Variants in DAB1 observed in about 807,000 individuals in gnomAD.
The protein encoded by DAB1 is DAB adaptor protein 1, also known as disabled homolog 1.
Under a neutral mutation model 64.6 loss-of-function variants are expected in DAB1, and 15 were observed. The ratio of observed to expected loss-of-function variants is 0.23; its 90% CI spans 0.16 to 0.36. The LOEUF (loss-of-function observed/expected upper bound fraction) is 0.36, where lower values mean the gene tolerates loss of function less well. DAB1 is among the 10% of genes least tolerant of loss of function. The pLI, the probability that DAB1 is intolerant of heterozygous loss-of-function variation, is 1.00. For synonymous variants in DAB1, 235 were observed against 251.9 expected, an observed-to-expected ratio of 0.93 and a Z score of 0.64; for missense variants, 596 against 706.7, an observed-to-expected ratio of 0.84 and a Z score of 1.78.
In DAB1 at chr1:58,280,400, A is replaced by C. The variant is rs1292041924; in HGVS notation, n.309+62952T>G. Among the ~76,000 whole-genome samples, 5 of 152,294 alleles carry C rather than the reference A, an allele frequency of 3.3e-5. No homozygotes were observed. In the East Asian group the frequency reaches 5.8e-4, roughly 18 times the overall value. On this transcript the variant is annotated intron_variant and non_coding_transcript_variant, in intron 4 of 20. Transcript: ENST00000485760. Reference sequence around the variant, plus strand: ...TTGGCAATAAATAGACCTGCTTTCCAATTCTGGTTCAGCCACCCGAGACCT... The same window carrying C: ...TTGGCAATAAATAGACCTGCTTTCCCATTCTGGTTCAGCCACCCGAGACCT...
intron 5 of DAB1, among the ~76,000 whole-genome samples, chr1:57,931,817 T>A (rs1644956891): frequency 6.6e-6 from 1 of 152,130 alleles, no homozygotes; most frequent in African/African-American, 2.4e-5. Flanking sequence ...TGGTTGATTT[T>A]CTCTATTAAT....
intron 5 of DAB1, among the ~76,000 whole-genome samples, chr1:57,915,330 T>G (rs189518530): frequency 1.3e-5 from 2 of 152,300 alleles, no homozygotes; most frequent in East Asian, 3.9e-4. Flanking sequence ...TAGAAATATA[T>G]AGAGAGATAT....
chr1:57,475,808 GA>G (rs1643928535), intron 7 of DAB1, among the ~76,000 whole-genome samples: 1 of 152,224 alleles, frequency 6.6e-6, no homozygotes, highest in South Asian at 2.1e-4. Flanking sequence ...TTGAGTGGGG[GA>G]ACTGTGTCTT....
In DAB1 at chr1:57,528,637, G is replaced by GAC. The variant is rs372009576; in HGVS notation, n.625+120953_625+120954dup. 4.4e-3 allele frequency among the ~76,000 whole-genome samples: 98 copies of GAC among 22,170 alleles called. 1 individual carries two copies. The highest frequency in any genetic ancestry group is 0.056 in the Middle Eastern group (1 of 18). The allele number at this position is 22,170 out of a possible 152,430, so 14.5% of individuals were successfully genotyped here. On this transcript the variant is annotated intron_variant and non_coding_transcript_variant, in intron 7 of 20. Coordinates refer to the DAB1 transcript ENST00000485760. ...TAATGGAAAATATTAAAAGCAGCAGGACACACACACACACACACACACACA... is the reference window on the plus strand; with the variant it reads ...TAATGGAAAATATTAAAAGCAGCAGGACACACACACACACACACACACACACA...
chr1:58,448,698 G>A (rs1012732967), intron 3 of DAB1, among the ~76,000 whole-genome samples: 4 of 152,206 alleles, frequency 2.6e-5, no homozygotes, highest in Non-Finnish European at 5.9e-5. Flanking sequence ...CACAAGAGAT[G>A]ACTATAACTA....
At chr1:57,985,108 A>T (rs1046486764) in intron 5 of DAB1, among the ~76,000 whole-genome samples, 11 of 152,264 alleles carry the variant, frequency 7.2e-5, no homozygotes, top group Admixed American at 4.6e-4. Context: ...GGGTTTCACC[A>T]GTTTGACCAG....
At chr1:58,471,139 T>A (rs998367814) in intron 3 of DAB1, among the ~76,000 whole-genome samples, 1 of 152,206 alleles carries the variant, frequency 6.6e-6, no homozygotes, top group East Asian at 1.9e-4. Flanking sequence ...CAAAAAGTTT[T>A]GAGGCAGACA....
At chr1:57,087,562 A>G (rs1446626926) in intron 4 of DAB1, among the ~76,000 whole-genome samples, 2 of 152,196 alleles carry the variant, frequency 1.3e-5, no homozygotes, top group Admixed American at 6.5e-5. Context: ...GGGCCCTTCC[A>G]TATGACTTTC....
chr1:58,423,255 C>T (rs377286283), intron 3 of DAB1, among the ~76,000 whole-genome samples: 34 of 152,348 alleles, frequency 2.2e-4, no homozygotes, highest in Admixed American at 7.2e-4. Context: ...CCCTTGACTA[C>T]ATCCCAGTCT....
intron 1 of DAB1, among the ~76,000 whole-genome samples, chr1:57,406,767 A>G (rs1683675480): frequency 6.6e-6 from 1 of 152,236 alleles, no homozygotes; most frequent in South Asian, 2.1e-4. Context: ...GATAGAAAGG[A>G]TCCGAATCCT....
At chr1:57,987,824 G>A (rs1646257547) in intron 5 of DAB1, among the ~76,000 whole-genome samples, 1 of 149,494 alleles carries the variant, frequency 6.7e-6, no homozygotes, top group South Asian at 2.1e-4. Flanking sequence ...CCTCCAAAGT[G>A]AGAGGGTTTT....
intron 6 of DAB1, among the ~76,000 whole-genome samples, chr1:57,739,822 T>G (rs1359845111): frequency 1.3e-5 from 2 of 151,882 alleles, no homozygotes; most frequent in Non-Finnish European, 2.9e-5. Flanking sequence ...CTAAGAATTT[T>G]CATCAGTAAA....
At chr1:57,594,868 G>A (rs1448576776) in intron 7 of DAB1, among the ~76,000 whole-genome samples, 4 of 151,758 alleles carry the variant, frequency 2.6e-5, no homozygotes, top group South Asian at 4.2e-4. Flanking sequence ...CTGCCACCAC[G>A]CCTGGCTAAT....
chr1:58,499,477 T>TATAGATAGATAGATAGATAGATAG (rs60917151), intron 3 of DAB1, among the ~76,000 whole-genome samples: 3,868 of 143,716 alleles, frequency 0.027, 72 homozygotes, highest in African/African-American at 0.039. Flanking sequence ...AAAGCCAGAC[T>TATAGATAGATAGATAGATAGATAG]ATAGATAGAT....
At chr1:58,336,243 T>A (rs1663113945) in intron 4 of DAB1, among the ~76,000 whole-genome samples, 1 of 152,194 alleles carries the variant, frequency 6.6e-6, no homozygotes, top group Non-Finnish European at 1.5e-5. Flanking sequence ...TCCCTCAGCA[T>A]GCTGGGGTCT....
intron 3 of DAB1, among the ~76,000 whole-genome samples, chr1:58,361,703 T>C (rs1276572139): frequency 6.6e-6 from 1 of 152,046 alleles, no homozygotes; most frequent in Non-Finnish European, 1.5e-5. Flanking sequence ...CTCTACCATT[T>C]ACTTATTATT....
At chr1:58,176,259 T>C (rs578221443) in intron 4 of DAB1, among the ~76,000 whole-genome samples, 2 of 152,268 alleles carry the variant, frequency 1.3e-5, no homozygotes, top group Admixed American at 6.5e-5. Context: ...AAAAAACAGA[T>C]AAAGTACAGA....
At chr1:57,823,630 G>T (rs956102358), downstream of DAB1, among the ~76,000 whole-genome samples, 4 of 152,184 alleles carry the variant, frequency 2.6e-5, no homozygotes, top group Non-Finnish European at 5.9e-5. Context: ...GCACCTAGCA[G>T]ACTGTCTGGT....
intron 4 of DAB1, among the ~76,000 whole-genome samples, chr1:58,231,837 C>A (rs770087165): frequency 2.0e-5 from 3 of 152,160 alleles, no homozygotes; most frequent in Non-Finnish European, 4.4e-5. Context: ...TATGTACTAG[C>A]TGCACATTTT....
Sources: gnomAD v4.1 joint callset for allele counts (sites outside exome capture counted in the v4.1 genomes callset) on GRCh38, gnomAD v4.1.1 for gene constraint, MANE v1.5 for transcripts, NCBI Gene and HGNC (gene_info 2026-07-23, HGNC 2026-07-21) for gene names.